Variants in TTC8 observed in about 807,000 individuals in gnomAD.
The protein encoded by TTC8 is tetratricopeptide repeat protein 8.
Under a neutral mutation model 72.5 loss-of-function variants are expected in TTC8, and 47 were observed. The ratio of observed to expected loss-of-function variants is 0.65; its 90% CI spans 0.51 to 0.83. The LOEUF (loss-of-function observed/expected upper bound fraction) is 0.83, where lower values mean the gene tolerates loss of function less well. Among genes scored for constraint, TTC8 ranks in the 40% least tolerant of loss-of-function variants. The probability of loss-of-function intolerance (pLI) is 0.00; values close to 1 mark genes in which losing one functional copy is unlikely to be tolerated. For missense variants in TTC8, 611 were observed against 623.2 expected (o/e 0.98, Z 0.21); for synonymous variants, 199 against 221.4 (o/e 0.90, Z 0.90).
intron 9 of TTC8, among the ~76,000 whole-genome samples, chr14:88,859,933 T>C (rs2094877942): frequency 1.0e-5 from 1 of 98,150 alleles, no homozygotes. Flanking sequence ...AGCATGTTTA[T>C]TATAATGTAT....
chr14:88,826,646 G>A (rs138732264), intron 1 of TTC8, among the ~76,000 whole-genome samples: 5 of 152,276 alleles, frequency 3.3e-5, no homozygotes, highest in Non-Finnish European at 5.9e-5. Context: ...GGAGCTTGCA[G>A]TGAGCGGAGA....
chr14:88,846,595 T>C (rs1364585328), intron 7 of TTC8: 2 of 1,417,860 alleles, frequency 1.4e-6, no homozygotes, highest in East Asian at 2.5e-5. Flanking sequence ...TTTTTATTAA[T>C]AGATTCATCT....
chr14:88,877,099 A>G (rs1306031889), intron 14 of TTC8, among the ~76,000 whole-genome samples, 195 bp from the exon 15 acceptor site: 1 of 152,154 alleles, frequency 6.6e-6, no homozygotes, highest in Non-Finnish European at 1.5e-5. Flanking sequence ...TTCTAAAATC[A>G]AAGTAGCATA....
At chr14:88,844,370 A>G (rs1020964795) in intron 7 of TTC8, among the ~76,000 whole-genome samples, 1 of 152,204 alleles carries the variant, frequency 6.6e-6, no homozygotes, top group Non-Finnish European at 1.5e-5. Context: ...ATTTTTGCAT[A>G]CTTATATGCA....
downstream of TTC8, chr14:88,878,437 A>G (rs1465349535): frequency 6.6e-6 from 1 of 152,196 alleles, no homozygotes; most frequent in Non-Finnish European, 1.5e-5. Flanking sequence ...TTTGATAGAT[A>G]CTTCTATTCT....
intron 10 of TTC8, among the ~76,000 whole-genome samples, chr14:88,863,315 T>C (rs1595976444): frequency 6.6e-6 from 1 of 152,126 alleles, no homozygotes; most frequent in East Asian, 1.9e-4. Context: ...GCAAAATTAG[T>C]AAAAGGAAAC....
At chr14:88,833,489 A>G (rs1030748548) in intron 1 of TTC8, among the ~76,000 whole-genome samples, 1 of 152,240 alleles carries the variant, frequency 6.6e-6, no homozygotes, top group South Asian at 2.1e-4. Context: ...GAATTTTCTG[A>G]TCATTGAAAA....
chr14:88,856,481 C>T (rs917295840), intron 8 of TTC8, among the ~76,000 whole-genome samples: 2 of 152,118 alleles, frequency 1.3e-5, no homozygotes, highest in African/African-American at 4.8e-5. Flanking sequence ...GTAAGCCTAA[C>T]AGGTCTATTA....
intron 3 of TTC8, 70 bp from the exon 4 acceptor site, chr14:88,840,795 T>C (rs2094776547): frequency 1.3e-6 from 2 of 1,494,202 alleles, no homozygotes; most frequent in Admixed American, 1.7e-5. Context: ...ATTCTGAAAA[T>C]TGTATTAGCT....
rs752893116 is a variant in TTC8 at position 88,871,628 on chromosome 14, G to A, written c.1129G>A (p.Asp377Asn). The part of the protein sequence containing the change: ...GLCCFYAQQY[D>N]MTLTSFERAL... ...GTGTTGCTTCTATGCCCAGCAGTATGATATGACTCTGACCTCATTTGAACG... is the reference window on the plus strand; with the variant it reads ...GTGTTGCTTCTATGCCCAGCAGTATAATATGACTCTGACCTCATTTGAACG... The change falls in exon 12 of 15, where the codon GAT (aspartate) becomes AAT (asparagine). Residue 377 changes from aspartate to asparagine, a missense_variant. Coordinates refer to ENST00000380656, the MANE Select transcript of TTC8 (RefSeq NM_144596.4). This position sits in a 1 kb window ranked among gnomAD's most constrained non-coding sequence, Gnocchi z 4.1. The A allele has an allele frequency of 8.7e-6, 14 of 1,614,116 alleles. No individual in the cohort carries two copies. Among genetic ancestry groups the A allele is most frequent in the South Asian group, 2.2e-5 (2 of 91,086 alleles).
chr14:88,852,402 T>G (rs1019318589), intron 7 of TTC8, among the ~76,000 whole-genome samples: 2 of 152,210 alleles, frequency 1.3e-5, no homozygotes, highest in African/African-American at 4.8e-5. Context: ...CCTTAGAATT[T>G]ACTGGGACTT....
chr14:88,839,569 C>G lies in TTC8; in HGVS notation c.262C>G (p.Pro88Ala), dbSNP rs779036274. 6.2e-7 allele frequency: 1 copy of G among 1,612,864 alleles called. No individual in the cohort carries two copies. The highest frequency in any genetic ancestry group is 8.5e-7 in the Non-Finnish European group (1 of 1,179,312). The change falls in exon 3 of 15, where the codon CCA becomes GCA. Residue 88 changes from proline (P) to alanine (A), a missense_variant. Pro to Ala is a conservative substitution (Grantham distance 27). Coordinates refer to ENST00000380656, the MANE Select transcript of TTC8 (RefSeq NM_144596.4). The part of the protein sequence containing the change: ...MLDENAIAQV[P>A]RPGTSLKLPG... The stretch of plus-strand genomic sequence containing the variant: ...GGATGAAAATGCTATAGCTCAAGTT[C>G]CACGTAAGTATTGGGTTTTCAGTTA...
Position 88,871,530 on chromosome 14 carries a change from T to C in TTC8, c.1050-19T>C. The C allele has an allele frequency of 6.2e-7, 1 of 1,612,958 alleles. No individual in the cohort carries two copies. The highest frequency in any genetic ancestry group is 8.5e-7 in the Non-Finnish European group (1 of 1,179,910). On this transcript the variant is annotated intron_variant, in intron 11 of 14. Coordinates refer to ENST00000380656, the MANE Select transcript of TTC8 (RefSeq NM_144596.4). This position sits in a 1 kb window ranked among gnomAD's most constrained non-coding sequence, Gnocchi z 4.1. ...AAAGTTGGTCTGACACCAAAATTTG[T>C]GTGTTCTTTTTTGAAAAGGCGGCTG...
intron 6 of TTC8, among the ~76,000 whole-genome samples, chr14:88,843,411 T>G (rs1409913206): frequency 3.3e-5 from 5 of 152,216 alleles, no homozygotes; most frequent in Non-Finnish European, 5.9e-5. Flanking sequence ...TGCTTTACCC[T>G]TGTACTCTAC....
In TTC8 at chr14:88,841,487, G is replaced by A. The variant is rs2094781397; in HGVS notation, c.552G>A (p.Lys184=). Residue 184 remains lysine (K), a synonymous_variant, in exon 6 of 15, where the codon AAG becomes AAA. Transcript: ENST00000380656. ...ATTTATCTAGGCTGAATTTAACAAA[G>A]TATTCCCAGAAACCTAAGTTGGCAA... The part of the protein sequence containing the change: ...FINLSRLNLT[K]YSQKPKLAKA... 9 of 1,613,618 alleles carry A rather than the reference G, an allele frequency of 5.6e-6. No individual in the cohort carries two copies. The highest frequency in any genetic ancestry group is 7.6e-6 in the Non-Finnish European group (9 of 1,179,828).
At position 88,839,363 on chromosome 14, in the gene TTC8, TAAC is replaced by T. The variant is rs1043877604; in HGVS notation, c.145-83_145-81del. On this transcript the variant is annotated intron_variant, in intron 2 of 14. Transcript: ENST00000380656. Reference sequence around the variant, plus strand: ...TAAACATGTTTAATATAAAATGAAATAACAACAATGAAGGATGGCTATTTCTAT... The same window carrying T: ...TAAACATGTTTAATATAAAATGAAATAACAATGAAGGATGGCTATTTCTAT... 6.9e-5 allele frequency: 95 copies of T among 1,372,646 alleles called. No homozygotes were observed. The Middle Eastern group carries it at 1.4e-3, about 20-fold the overall frequency. The allele number at this position is 1,372,646 out of a possible 1,614,324, so 85.0% of individuals were successfully genotyped here.
rs376926350 is a variant in TTC8, at chr14:88,861,970, T to C, written c.909+638T>C. Reference sequence around the variant, plus strand: ...ATGGGATATCTCTTTGATATACAGATTTCCTTTCTTTTGGGTATATATTCA... The same window carrying C: ...ATGGGATATCTCTTTGATATACAGACTTCCTTTCTTTTGGGTATATATTCA... On this transcript the variant is annotated intron_variant, in intron 10 of 14. Coordinates refer to ENST00000380656, the MANE Select transcript of TTC8 (RefSeq NM_144596.4). 2.5e-4 allele frequency among the ~76,000 whole-genome samples: 38 copies of C among 152,316 alleles called. 1 individual carries two copies. Among genetic ancestry groups the C allele is most frequent in the African/African-American group, 8.9e-4 (37 of 41,574 alleles).
At chr14:88,842,898 T>A (rs75969741) in intron 6 of TTC8, among the ~76,000 whole-genome samples, 1 of 152,140 alleles carries the variant, frequency 6.6e-6, no homozygotes, top group South Asian at 2.1e-4. Context: ...CCAATTGCAC[T>A]CTTAACTTTT....
chr14:88,824,448 G>T (rs1595919111), upstream of TTC8: 3 of 494,846 alleles, frequency 6.1e-6, no homozygotes, highest in East Asian at 1.1e-4. Flanking sequence ...GTTTAGCCGC[G>T]GTGCCTTCTT....
Sources: allele counts gnomAD v4.1 joint callset (sites outside exome capture counted in the v4.1 genomes callset), GRCh38; gene constraint gnomAD v4.1.1; non-coding constraint Gnocchi (gnomAD v3.1); transcripts MANE v1.5; gene names NCBI Gene and HGNC (gene_info 2026-07-23, HGNC 2026-07-21).